The following PCDH9 variants were observed in gnomAD, a reference collection of about 807,000 sequenced individuals.
PCDH9 encodes the protein protocadherin 9, also known as protocadherin-9.
A neutral mutation model predicts 70.6 loss-of-function variants in PCDH9; 24 were observed. That is an observed-to-expected ratio of 0.34 (90% CI 0.25 to 0.48). The LOEUF (loss-of-function observed/expected upper bound fraction) is 0.48. Among genes scored for constraint, PCDH9 ranks in the 20% least tolerant of loss-of-function variants. The pLI is 0.99. For synonymous variants in PCDH9, 562 were observed against 558.5 expected, an observed-to-expected ratio of 1.01 and a Z score of -0.09; for missense variants, 1,281 against 1,503.6, an observed-to-expected ratio of 0.85 and a Z score of 2.45.
chr13:67,193,625 G>C (rs909280857), intron 2 of PCDH9, among the ~76,000 whole-genome samples: 2 of 152,018 alleles, frequency 1.3e-5, no homozygotes, highest in South Asian at 4.1e-4. Context: ...ATAATGCCTT[G>C]TGCAGAGCCT....
At chr13:66,324,666 A>T (rs765800735) in intron 4 of PCDH9, among the ~76,000 whole-genome samples, 5 of 152,228 alleles carry the variant, frequency 3.3e-5, no homozygotes, top group South Asian at 2.1e-4. Context: ...TAGAATAGGC[A>T]CTGTGAGAGT....
chr13:67,228,027 A>C lies in PCDH9; in HGVS notation c.414T>G (p.Asn138Lys). ...IKIIVKDTND[N>K]APMFPSPVIN... ...TGACAGGAGATGGAAACATGGGGGC[A>C]TTATCATTGGTATCCTTGACAATTA... The change falls in exon 2 of 5, where the codon AAT (asparagine) becomes AAG (lysine). Residue 138 changes from asparagine to lysine, a missense_variant. Physicochemically the swap from Asn to Lys is moderately conservative, Grantham distance 94. Around this residue, in one of 4 missense-constraint regions of PCDH9, gnomAD observed 798 missense variants for 1,003.1 expected, o/e 0.80. Transcript: ENST00000377865. The C allele has an allele frequency of 6.2e-7, 1 of 1,614,036 alleles. No homozygotes were observed. Among genetic ancestry groups the C allele is most frequent in the Non-Finnish European group, 8.5e-7 (1 of 1,179,986 alleles).
intron 2 of PCDH9, among the ~76,000 whole-genome samples, chr13:67,146,685 G>T (rs1232935831): frequency 1.3e-5 from 2 of 152,190 alleles, no homozygotes; most frequent in Non-Finnish European, 2.9e-5. Context: ...TTTAGAAGCG[G>T]CAGTGGTTAC....
At chr13:66,483,647 T>C (rs1298933328) in intron 4 of PCDH9, among the ~76,000 whole-genome samples, 3 of 152,182 alleles carry the variant, frequency 2.0e-5, no homozygotes, top group Non-Finnish European at 4.4e-5. Flanking sequence ...GTGTTATTGA[T>C]ATGGGAGTGC....
At chr13:66,362,318 T>G (rs1221145096) in intron 4 of PCDH9, among the ~76,000 whole-genome samples, 1 of 152,172 alleles carries the variant, frequency 6.6e-6, no homozygotes, top group Non-Finnish European at 1.5e-5. Flanking sequence ...AATTGTTGTT[T>G]CGTGTAGTAG....
chr13:66,967,925 T>C (rs1204100491), intron 2 of PCDH9, among the ~76,000 whole-genome samples: 1 of 152,014 alleles, frequency 6.6e-6, no homozygotes, highest in Admixed American at 6.6e-5. Context: ...TTCATGTTTG[T>C]GGAATGAGGG....
intron 2 of PCDH9, among the ~76,000 whole-genome samples, chr13:67,140,797 G>C (rs755770451): frequency 6.6e-6 from 1 of 152,188 alleles, no homozygotes; most frequent in Non-Finnish European, 1.5e-5. Flanking sequence ...TGGCCACTAT[G>C]AGCCATGTGC....
At chr13:66,561,756 A>G (rs866949778) in intron 4 of PCDH9, among the ~76,000 whole-genome samples, 26 of 152,034 alleles carry the variant, frequency 1.7e-4, no homozygotes, top group South Asian at 4.2e-4. Flanking sequence ...AAACGCACCA[A>G]TCAGCGCCCT....
intron 2 of PCDH9, among the ~76,000 whole-genome samples, chr13:67,154,444 G>GT (rs2087744875): frequency 6.6e-6 from 1 of 151,624 alleles, no homozygotes; most frequent in Non-Finnish European, 1.5e-5. Flanking sequence ...GGGCACGGCG[G>GT]TAAGTGCCTA....
chr13:66,367,993 G>A (rs767354597), intron 4 of PCDH9, among the ~76,000 whole-genome samples: 2 of 151,870 alleles, frequency 1.3e-5, no homozygotes, highest in African/African-American at 2.4e-5. Context: ...CAATCAAAAG[G>A]TCAAAATATA....
At chr13:66,753,585 A>C (rs947588027) in intron 3 of PCDH9, among the ~76,000 whole-genome samples, 3 of 152,202 alleles carry the variant, frequency 2.0e-5, no homozygotes, top group African/African-American at 7.2e-5. Flanking sequence ...AATGTCATTC[A>C]ATCAAGAAAA....
At chr13:66,953,104 C>T (rs1003415212) in intron 2 of PCDH9, among the ~76,000 whole-genome samples, 1 of 151,480 alleles carries the variant, frequency 6.6e-6, no homozygotes, top group African/African-American at 2.4e-5. Flanking sequence ...AGCACCAATA[C>T]AGATTACTAG....
At chr13:66,568,994 C>CTGTTTTTTT (rs1729798945) in intron 4 of PCDH9, among the ~76,000 whole-genome samples, 1 of 58,314 alleles carries the variant, frequency 1.7e-5, no homozygotes, top group Admixed American at 2.5e-4. Context: ...GGAAACATGT[C>CTGTTTTTTT]TTTTTTTTTT....
At chr13:66,756,212 T>A (rs1303884088) in intron 3 of PCDH9, among the ~76,000 whole-genome samples, 3 of 152,168 alleles carry the variant, frequency 2.0e-5, no homozygotes, top group Non-Finnish European at 4.4e-5. Context: ...GAATTACATT[T>A]TTAAAATCAT....
intron 2 of PCDH9, among the ~76,000 whole-genome samples, chr13:66,923,444 T>A (rs1253500989): frequency 6.6e-6 from 1 of 151,638 alleles, no homozygotes; most frequent in African/African-American, 2.4e-5. Flanking sequence ...AAAGACTTTA[T>A]CTTAAGCAAG....
At chr13:66,603,326 G>A (rs1593762172) in intron 4 of PCDH9, among the ~76,000 whole-genome samples, 1 of 151,788 alleles carries the variant, frequency 6.6e-6, no homozygotes, top group African/African-American at 2.4e-5. Flanking sequence ...CCACCAAAAA[G>A]GTTTTAACAT....
chr13:66,713,652 T>TATATATATATAA (rs1356252438), intron 3 of PCDH9, among the ~76,000 whole-genome samples: 2 of 139,510 alleles, frequency 1.4e-5, no homozygotes, highest in Non-Finnish European at 1.6e-5. Context: ...TATATATATA[T>TATATATATATAA]AATGTACACA....
chr13:66,738,109 A>G (rs1310179621), intron 3 of PCDH9, among the ~76,000 whole-genome samples: 1 of 152,210 alleles, frequency 6.6e-6, no homozygotes, highest in African/African-American at 2.4e-5. Context: ...AGCTTTGAAG[A>G]GAGCAGTGGT....
In PCDH9 at chr13:66,737,514, A is replaced by T. The variant is rs550804662; in HGVS notation, c.3139-106103T>A. Reference sequence around the variant, plus strand: ...GGAGCCAAGATGGCCGAATAGGAACAGCTCCGGTCTACAGCTCCCAGCGTG... The same window carrying T: ...GGAGCCAAGATGGCCGAATAGGAACTGCTCCGGTCTACAGCTCCCAGCGTG... On this transcript the variant is annotated intron_variant, in intron 3 of 4. Coordinates refer to ENST00000377865, the MANE Select transcript of PCDH9 (RefSeq NM_203487.3). Among the ~76,000 whole-genome samples the T allele has an allele frequency of 2.0e-5, 3 of 152,350 alleles. No individual in the cohort carries two copies. The South Asian group carries it at 6.2e-4, about 32-fold the overall frequency.
Sources: allele counts gnomAD v4.1 joint callset (sites outside exome capture counted in the v4.1 genomes callset), GRCh38; gene constraint gnomAD v4.1.1; regional missense constraint gnomAD v4.1.1; transcripts MANE v1.5; gene names NCBI Gene and HGNC (gene_info 2026-07-23, HGNC 2026-07-21).